GDPD5: variants seen among roughly 807,000 people sequenced by gnomAD.
GDPD5 encodes glycerophosphodiester phosphodiesterase 2.
GDPD5 carries 48 observed loss-of-function variants against 75.1 expected under a neutral mutation model. The ratio of observed to expected loss-of-function variants is 0.64; its 90% CI spans 0.51 to 0.81. The LOEUF is 0.81. Ranked by LOEUF, GDPD5 falls within the 40% of genes least tolerant of loss-of-function variation. The pLI is 0.00. For synonymous variants in GDPD5, 336 were observed against 339.0 expected, an observed-to-expected ratio of 0.99 and a Z score of 0.10; for missense variants, 706 against 822.6, an observed-to-expected ratio of 0.86 and a Z score of 1.73.
At chr11:75,462,736 G>T in intron 4 of GDPD5, 50 bp downstream of exon 4, 1 of 1,422,308 alleles carries the variant, frequency 7.0e-7, no homozygotes, top group Non-Finnish European at 9.8e-7. Context: ...CCCAGCTACT[G>T]GATACCCAGC....
chr11:75,474,085 G>C (rs1949731010), intron 3 of GDPD5, among the ~76,000 whole-genome samples: 1 of 152,236 alleles, frequency 6.6e-6, no homozygotes, highest in East Asian at 1.9e-4. Context: ...GAAGGCACAG[G>C]CCTGGGGGTG....
chr11:75,496,347 C>T (rs1950207989), intron 1 of GDPD5, among the ~76,000 whole-genome samples: 1 of 152,204 alleles, frequency 6.6e-6, no homozygotes. Flanking sequence ...CAAAGAGCTT[C>T]TAGAGAGCAG....
At chr11:75,495,641 A>T (rs772483663) in intron 1 of GDPD5, among the ~76,000 whole-genome samples, 2 of 152,240 alleles carry the variant, frequency 1.3e-5, no homozygotes, top group African/African-American at 2.4e-5. Flanking sequence ...ACGTATTTCA[A>T]TGTACATTGT....
At chr11:75,505,315 C>A (rs114568656) in intron 1 of GDPD5, among the ~76,000 whole-genome samples, 2,883 of 152,112 alleles carry the variant, frequency 0.019, 97 homozygotes, top group African/African-American at 0.066. Context: ...GCCTCCCTCT[C>A]AGGATCCAGC....
At chr11:75,498,362 AAC>A (rs531504520) in intron 1 of GDPD5, among the ~76,000 whole-genome samples, 42 of 152,344 alleles carry the variant, frequency 2.8e-4, no homozygotes, top group African/African-American at 9.9e-4. Context: ...CGTCTATGGA[AAC>A]ACAGAGTGGG....
chr11:75,510,598 C>G (rs1410950776), intron 1 of GDPD5, among the ~76,000 whole-genome samples: 1 of 152,204 alleles, frequency 6.6e-6, no homozygotes, highest in African/African-American at 2.4e-5. Context: ...CCTCCTTTCA[C>G]CTCTGCTCCA....
Position 75,435,327 on chromosome 11 carries a change from C to A in GDPD5, c.*180G>T. ...CTGAAAGGATGGAGTCCTGGCCCAG[C>A]TGGGCCTCAGGAGACAGGGAGTCCC... On this transcript the variant is annotated 3_prime_UTR_variant, in exon 17 of 17. Coordinates refer to ENST00000336898, the MANE Select transcript of GDPD5 (RefSeq NM_030792.8). 1.8e-6 allele frequency: 1 copy of A among 542,426 alleles called. No individual in the cohort carries two copies. The highest frequency in any genetic ancestry group is 3.1e-5 in the South Asian group (1 of 31,822). The allele number at this position is 542,426 out of a possible 1,614,324, so 33.6% of individuals were successfully genotyped here.
chr11:75,496,946 A>C (rs545507671), intron 1 of GDPD5, among the ~76,000 whole-genome samples: 1 of 151,592 alleles, frequency 6.6e-6, no homozygotes, highest in South Asian at 2.1e-4. Flanking sequence ...ATACCCGGCA[A>C]ATTTTTGTAT....
intron 14 of GDPD5, among the ~76,000 whole-genome samples, chr11:75,440,171 G>A (rs544589172): frequency 1.3e-3 from 200 of 152,304 alleles, no homozygotes; most frequent in Non-Finnish European, 2.0e-3. Flanking sequence ...GTGTGCACAC[G>A]TGTGCACTCT....
intron 13 of GDPD5, 64 bp from the exon 14 acceptor site, chr11:75,441,374 G>A: frequency 6.3e-7 from 1 of 1,583,446 alleles, no homozygotes; most frequent in Middle Eastern, 1.7e-4. Flanking sequence ...CAGTGTCGGG[G>A]CTGGTAAAGC....
chr11:75,447,105 A>G (rs188562786), intron 9 of GDPD5, among the ~76,000 whole-genome samples: 19 of 152,120 alleles, frequency 1.2e-4, no homozygotes, highest in Admixed American at 1.0e-3. Context: ...CTGGTCTCGA[A>G]CTCCTGACCT....
At chr11:75,441,997 C>T (rs928415784) in intron 12 of GDPD5, among the ~76,000 whole-genome samples, 194 bp from the exon 13 acceptor site, 32 of 152,220 alleles carry the variant, frequency 2.1e-4, no homozygotes, top group Admixed American at 5.9e-4. Context: ...CAGGAAACTT[C>T]GCTTCTGGCC....
chr11:75,443,018 G>A, intron 11 of GDPD5, 118 bp downstream of exon 11: 1 of 1,192,890 alleles, frequency 8.4e-7, no homozygotes, highest in Admixed American at 2.0e-5. Flanking sequence ...TTGGGTGGAG[G>A]TCGCGAAAGC....
chr11:75,468,016 CAG>C, intron 3 of GDPD5, among the ~76,000 whole-genome samples: 1 of 152,200 alleles, frequency 6.6e-6, no homozygotes, highest in Non-Finnish European at 1.5e-5. Context: ...CATACAGTCA[CAG>C]AGCACGACTG....
At chr11:75,502,881 C>T (rs1950324300) in intron 1 of GDPD5, among the ~76,000 whole-genome samples, 1 of 152,200 alleles carries the variant, frequency 6.6e-6, no homozygotes, top group South Asian at 2.1e-4. Flanking sequence ...GCTGGGCAAA[C>T]CTCCGGGTGC....
chr11:75,454,811 C>G (rs1949249464), intron 6 of GDPD5, among the ~76,000 whole-genome samples: 2 of 152,210 alleles, frequency 1.3e-5, no homozygotes, highest in Non-Finnish European at 2.9e-5. Flanking sequence ...TCTTTGTATA[C>G]TTTTTTGTGC....
At chr11:75,441,555 T>G in intron 13 of GDPD5, 91 bp downstream of exon 13, 1 of 1,231,980 alleles carries the variant, frequency 8.1e-7, no homozygotes, top group Non-Finnish European at 1.1e-6. Context: ...TGTGTGTGTG[T>G]GTGTGTGTGT....
intron 1 of GDPD5, among the ~76,000 whole-genome samples, chr11:75,505,313 C>G (rs1330247108): frequency 1.3e-5 from 2 of 152,066 alleles, no homozygotes; most frequent in African/African-American, 4.8e-5. Flanking sequence ...CTGCCTCCCT[C>G]TCAGGATCCA....
intron 3 of GDPD5, among the ~76,000 whole-genome samples, chr11:75,471,363 C>A (rs529920519): frequency 4.7e-4 from 72 of 152,328 alleles, no homozygotes; most frequent in Admixed American, 2.5e-3. Flanking sequence ...CCCCAGCCGG[C>A]TCCTGACAGC....
Sources: gnomAD v4.1 joint callset for allele counts (sites outside exome capture counted in the v4.1 genomes callset) on GRCh38, gnomAD v4.1.1 for gene constraint, MANE v1.5 for transcripts, NCBI Gene and HGNC (gene_info 2026-07-23, HGNC 2026-07-21) for gene names.